Variants in ELP1 observed in about 807,000 individuals in gnomAD.
The protein encoded by ELP1 is elongator acetyltransferase complex subunit 1, also known as elongator complex protein 1.
A neutral mutation model predicts 183.2 loss-of-function variants in ELP1; 131 were observed. The ratio of observed to expected loss-of-function variants is 0.72; its 90% CI spans 0.62 to 0.83. ELP1 has a LOEUF of 0.83. Among genes scored for constraint, ELP1 ranks in the 40% least tolerant of loss-of-function variants. The pLI is 0.00. For missense variants in ELP1, 1,550 were observed against 1,594.9 expected (o/e 0.97, Z 0.48); for synonymous variants, 555 against 569.0 (o/e 0.98, Z 0.35).
At chr9:108,891,469 G>A (rs1828334330) in intron 27 of ELP1, 65 bp from the exon 28 acceptor site, 10 of 1,459,250 alleles carry the variant, frequency 6.9e-6, no homozygotes, top group African/African-American at 2.8e-5. Flanking sequence ...AAGCTCCAGT[G>A]TAGCTGCCTT....
At chr9:108,887,370 T>C (rs1828164633) in intron 29 of ELP1, among the ~76,000 whole-genome samples, 1 of 152,046 alleles carries the variant, frequency 6.6e-6, no homozygotes, top group African/African-American at 2.4e-5. Context: ...GCAATACAGA[T>C]AGAAAAAAGT....
rs780520998 is a variant in ELP1, at chr9:108,878,687, C to T, written c.3636G>A (p.Pro1212=). ...RKKHSLKEGS[P]LEDLALLEAL... ...CCTCCAGGAGGGCCAGGTCCTCCAGCGGACTGCCTTCTTTGAGGCTGTGCT... is the reference window on the plus strand; with the variant it reads ...CCTCCAGGAGGGCCAGGTCCTCCAGTGGACTGCCTTCTTTGAGGCTGTGCT... The change falls in exon 34 of 37, where the codon CCG becomes CCA. Residue 1212 remains proline, a synonymous_variant. Transcript: ENST00000374647. The T allele has an allele frequency of 2.7e-5, 43 of 1,614,022 alleles. No individual in the cohort carries two copies. The highest frequency in any genetic ancestry group is 3.3e-5 in the Admixed American group (2 of 60,002).
chr9:108,869,082 C>G lies in ELP1; in HGVS notation c.*33G>C, dbSNP rs761790459. On this transcript the variant is annotated 3_prime_UTR_variant, in exon 37 of 37. Transcript: ENST00000374647. Reference sequence around the variant, plus strand: ...GACAACAGGAATGAGTGGAAATGGTCTTCTCTGTCGGATCCCTCCTAACTG... The same window carrying G: ...GACAACAGGAATGAGTGGAAATGGTGTTCTCTGTCGGATCCCTCCTAACTG... 1.3e-6 allele frequency: 2 copies of G among 1,593,628 alleles called. No individual in the cohort carries two copies.
chr9:108,919,904 A>G (rs1046414403), intron 6 of ELP1, among the ~76,000 whole-genome samples: 13 of 152,052 alleles, frequency 8.5e-5, no homozygotes, highest in Non-Finnish European at 1.6e-4. Context: ...CCTGAAGCCA[A>G]CTCTACCGGG....
chr9:108,933,176 C>T (rs1047899694), intron 1 of ELP1, among the ~76,000 whole-genome samples: 1 of 152,232 alleles, frequency 6.6e-6, no homozygotes, highest in African/African-American at 2.4e-5. Flanking sequence ...ACTTGCTATT[C>T]TTCCCCCAAA....
At chr9:108,884,282 GA>G (rs1168755188) in intron 29 of ELP1, among the ~76,000 whole-genome samples, 1 of 152,124 alleles carries the variant, frequency 6.6e-6, no homozygotes, top group Non-Finnish European at 1.5e-5. Flanking sequence ...AACACTGGTA[GA>G]ATCAAAGGAG....
chr9:108,928,612 A>G (rs1454880453), intron 3 of ELP1, among the ~76,000 whole-genome samples: 2 of 152,208 alleles, frequency 1.3e-5, no homozygotes, highest in Non-Finnish European at 2.9e-5. Context: ...GGGAACAGAT[A>G]GTGAAAGGGG....
chr9:108,868,907 A>C lies in ELP1; in HGVS notation c.*208T>G. The C allele has an allele frequency of 1.6e-6, 1 of 627,810 alleles. No homozygotes were observed. Among genetic ancestry groups the C allele is most frequent in the Non-Finnish European group, 2.9e-6 (1 of 349,174 alleles). 38.9% of individuals were successfully genotyped at this position (627,810 alleles called of 1,614,324 possible). On this transcript the variant is annotated 3_prime_UTR_variant, in exon 37 of 37. Coordinates refer to ENST00000374647, the MANE Select transcript of ELP1 (RefSeq NM_003640.5). ...AATGGTGCCATAATGGTTAAAGCTTAATGTCTTGCTAATGATCAAGATGTA... is the reference window on the plus strand; with the variant it reads ...AATGGTGCCATAATGGTTAAAGCTTCATGTCTTGCTAATGATCAAGATGTA...
Position 108,912,283 on chromosome 9 carries a change from A to G in ELP1, c.1170T>C (p.Asn390=). The stretch of plus-strand genomic sequence containing the variant: ...GCTTACTTCCATCAATGACAGCCAC[A>G]TTGGACAAGTCACTTGAATTATCTC... ...SVGDNSSDLS[N]VAVIDGNRVL... is the part of the protein sequence containing the mutation. Residue 390 remains asparagine (N), a synonymous_variant, in exon 11 of 37, where the codon AAT becomes AAC. Coordinates refer to ENST00000374647, the MANE Select transcript of ELP1 (RefSeq NM_003640.5). 3 of 1,614,118 alleles carry G rather than the reference A, an allele frequency of 1.9e-6. No individual in the cohort carries two copies. The highest frequency in any genetic ancestry group is 2.5e-6 in the Non-Finnish European group (3 of 1,179,972).
chr9:108,910,044 GAAC>G (rs1423543964), intron 12 of ELP1, among the ~76,000 whole-genome samples: 1 of 152,062 alleles, frequency 6.6e-6, no homozygotes, highest in East Asian at 1.9e-4. Context: ...AGTGAATGCA[GAAC>G]AAAACATACC....
rs540615950 is a variant in ELP1 at position 108,894,042 on chromosome 9, G to A, written c.2761C>T (p.Leu921Phe). ...GTTTCCATTTTCTTAAGTGTATTAA[G>A]AAATGGAAGATATTCTTTGGGATCC... ...QKDPKEYLPF[L>F]NTLKKMETNY... is the part of the protein sequence containing the mutation. Residue 921 changes from leucine to phenylalanine, a missense_variant, in exon 26 of 37, where the codon CTT (leucine) becomes TTT (phenylalanine). Transcript: ENST00000374647. 1 of 1,523,542 alleles carries A rather than the reference G, an allele frequency of 6.6e-7. No individual in the cohort carries two copies. Among genetic ancestry groups the A allele is most frequent in the Non-Finnish European group, 9.1e-7 (1 of 1,099,164 alleles). 94.4% of individuals were successfully genotyped at this position (1,523,542 alleles called of 1,614,324 possible). A position where few individuals can be genotyped will look rare whatever the true frequency, so the allele number is the denominator to read the frequency against.
At chr9:108,911,253 C>A (rs868291807) in intron 11 of ELP1, 73 bp from the exon 12 acceptor site, 1 of 1,367,852 alleles carries the variant, frequency 7.3e-7, no homozygotes, top group African/African-American at 1.4e-5. Flanking sequence ...CTGAACATCA[C>A]AGTATATCTA....
At chr9:108,911,425 C>T (rs564371758) in intron 11 of ELP1, among the ~76,000 whole-genome samples, 2 of 152,192 alleles carry the variant, frequency 1.3e-5, no homozygotes, top group African/African-American at 4.8e-5. Context: ...GTTTCAGGTG[C>T]CAGGGACTAA....
chr9:108,892,865 C>T, intron 27 of ELP1, 121 bp downstream of exon 27: 1 of 752,700 alleles, frequency 1.3e-6, no homozygotes, highest in Non-Finnish European at 2.4e-6. Flanking sequence ...CAAATTGAGG[C>T]TAATTAGTTT....
chr9:108,910,954 TGTAGGA>T, intron 12 of ELP1, 50 bp downstream of exon 12: 1 of 1,535,002 alleles, frequency 6.5e-7, no homozygotes, highest in Non-Finnish European at 9.0e-7. Context: ...TTTGCTTTTA[TGTAGGA>T]GTAGAAGGGA....
In ELP1 at chr9:108,897,255, A is replaced by G. The variant is rs138819925; in HGVS notation, c.2394T>C (p.Pro798=). ...KEEDVTKTMY[P]APVTSSVYLS... ...GGTAGACACTGCTGGTAACTGGTGC[A>G]GGGTACATGGTCTTCGTGACATCTT... The change falls in exon 23 of 37, where the codon CCT becomes CCC. Residue 798 remains proline, a synonymous_variant. Coordinates refer to ENST00000374647, the MANE Select transcript of ELP1 (RefSeq NM_003640.5). 3.7e-5 allele frequency: 60 copies of G among 1,614,158 alleles called. No homozygotes were observed. The highest frequency in any genetic ancestry group is 5.0e-5 in the Non-Finnish European group (59 of 1,180,018).
At chr9:108,901,277 A>C in intron 18 of ELP1, 148 bp downstream of exon 18, 4 of 682,476 alleles carry the variant, frequency 5.9e-6, no homozygotes, top group Non-Finnish European at 8.0e-6. Flanking sequence ...TGTTGAGATT[A>C]GGGTCTAAGT....
intron 10 of ELP1, among the ~76,000 whole-genome samples, chr9:108,914,361 G>A (rs1829349265): frequency 8.4e-6 from 1 of 119,020 alleles, no homozygotes; most frequent in Non-Finnish European, 1.6e-5. Context: ...TCGGGCCACT[G>A]CACTCCAGCC....
chr9:108,913,492 T>A (rs1438393491), intron 10 of ELP1, among the ~76,000 whole-genome samples: 1 of 152,184 alleles, frequency 6.6e-6, no homozygotes, highest in East Asian at 1.9e-4. Context: ...ATTTTCTCAA[T>A]CTCCTTGCTC....
Sources: allele counts gnomAD v4.1 joint callset (sites outside exome capture counted in the v4.1 genomes callset), GRCh38; gene constraint gnomAD v4.1.1; transcripts MANE v1.5; gene names NCBI Gene and HGNC (gene_info 2026-07-23, HGNC 2026-07-21).